KCNT2: variants seen among roughly 807,000 people sequenced by gnomAD.
The protein encoded by KCNT2 is potassium channel subfamily T member 2.
A neutral mutation model predicts 153.8 loss-of-function variants in KCNT2; 67 were observed. The ratio of observed to expected loss-of-function variants is 0.44; its 90% CI spans 0.36 to 0.53. The LOEUF is 0.53. Ranked by LOEUF, KCNT2 falls within the 20% of genes least tolerant of loss-of-function variation. KCNT2 has a pLI of 0.00. For synonymous variants in KCNT2, 500 were observed against 458.8 expected (o/e 1.09, Z -1.15); for missense variants, 975 against 1,354.8 (o/e 0.72, Z 4.40).
intron 8 of KCNT2, among the ~76,000 whole-genome samples, chr1:196,449,227 G>A (rs1471853605): frequency 6.6e-6 from 1 of 151,596 alleles, no homozygotes; most frequent in Non-Finnish European, 1.5e-5. Context: ...TTCACAGTAG[G>A]CACACTAGAG....
At chr1:196,592,818 T>A (rs1558116094) in intron 1 of KCNT2, among the ~76,000 whole-genome samples, 2 of 148,416 alleles carry the variant, frequency 1.3e-5, no homozygotes, top group Non-Finnish European at 3.0e-5. Flanking sequence ...TAAATGTACT[T>A]TTACTTTTAT....
intron 8 of KCNT2, among the ~76,000 whole-genome samples, chr1:196,440,943 C>T (rs1675171096): frequency 6.6e-6 from 1 of 151,800 alleles, no homozygotes; most frequent in African/African-American, 2.4e-5. Flanking sequence ...ACGGTCTATA[C>T]ATACAGACCC....
intron 24 of KCNT2, 54 bp downstream of exon 24, chr1:196,282,219 G>T: frequency 1.0e-6 from 1 of 972,388 alleles, no homozygotes; most frequent in Non-Finnish European, 1.6e-6. Context: ...ACGGTAGATA[G>T]ATTTCAGAAC....
At chr1:196,509,259 G>A (rs1572680873) in intron 1 of KCNT2, among the ~76,000 whole-genome samples, 2 of 130,094 alleles carry the variant, frequency 1.5e-5, no homozygotes, top group African/African-American at 2.9e-5. Flanking sequence ...AAAAAAAAGC[G>A]AAACTCCGAA....
At chr1:196,342,043 T>C in intron 15 of KCNT2, 36 bp downstream of exon 15, 1 of 1,588,638 alleles carries the variant, frequency 6.3e-7, no homozygotes, top group Non-Finnish European at 8.6e-7. Context: ...GCTTGACTGA[T>C]TGATATTTTA....
At chr1:196,524,241 C>T (rs1424956565) in intron 1 of KCNT2, among the ~76,000 whole-genome samples, 1 of 152,130 alleles carries the variant, frequency 6.6e-6, no homozygotes, top group Non-Finnish European at 1.5e-5. Flanking sequence ...AAATTTCACA[C>T]TTGAGTAAAT....
intron 1 of KCNT2, among the ~76,000 whole-genome samples, chr1:196,497,429 T>C (rs1680342101): frequency 6.6e-6 from 1 of 152,174 alleles, no homozygotes. Context: ...TACCAACTAT[T>C]TACATAACTT....
chr1:196,443,179 C>T (rs754560115), intron 8 of KCNT2, among the ~76,000 whole-genome samples: 3 of 151,424 alleles, frequency 2.0e-5, no homozygotes, highest in African/African-American at 4.8e-5. Context: ...GAGATGGGGA[C>T]ATTTTGGGAA....
chr1:196,461,411 T>A (rs1677142558), intron 8 of KCNT2, among the ~76,000 whole-genome samples: 1 of 151,614 alleles, frequency 6.6e-6, no homozygotes, highest in Admixed American at 6.6e-5. Context: ...AAACAGGAAA[T>A]CAGTTAACAT....
intron 25 of KCNT2, among the ~76,000 whole-genome samples, chr1:196,266,475 A>G (rs1360309466): frequency 6.6e-6 from 1 of 152,226 alleles, no homozygotes; most frequent in African/African-American, 2.4e-5. Context: ...GTCTAAAAAT[A>G]TCCCATAGTA....
chr1:196,537,840 C>T (rs1461737394), intron 1 of KCNT2, among the ~76,000 whole-genome samples: 1 of 152,174 alleles, frequency 6.6e-6, no homozygotes, highest in Non-Finnish European at 1.5e-5. Context: ...ATTCTTATCT[C>T]TCGTGGGGGC....
chr1:196,481,712 C>T (rs1226156578), intron 4 of KCNT2, among the ~76,000 whole-genome samples: 1 of 152,036 alleles, frequency 6.6e-6, no homozygotes, highest in Non-Finnish European at 1.5e-5. Flanking sequence ...CAGTAGGAAA[C>T]AAAACAAAAC....
intron 14 of KCNT2, among the ~76,000 whole-genome samples, chr1:196,348,750 G>C (rs1051352806): frequency 5.9e-5 from 9 of 152,092 alleles, no homozygotes; most frequent in Non-Finnish European, 1.3e-4. Flanking sequence ...TCCCGGCCAG[G>C]CACGGTGGCT....
intron 14 of KCNT2, among the ~76,000 whole-genome samples, chr1:196,369,789 T>G (rs1668362795): frequency 6.6e-6 from 1 of 152,066 alleles, no homozygotes; most frequent in Admixed American, 6.6e-5. Flanking sequence ...TAAACATATG[T>G]GTGCATGTGT....
intron 1 of KCNT2, among the ~76,000 whole-genome samples, chr1:196,561,874 G>C (rs1659460484): frequency 6.6e-6 from 1 of 151,772 alleles, no homozygotes; most frequent in South Asian, 2.1e-4. Context: ...GGGAGTAAAG[G>C]AGGAGTCTCC....
chr1:196,509,389 T>C (rs1681424866), intron 1 of KCNT2, among the ~76,000 whole-genome samples: 1 of 151,382 alleles, frequency 6.6e-6, no homozygotes, highest in South Asian at 2.1e-4. Flanking sequence ...CAATGGAAAA[T>C]TGCAGTCAAA....
intron 12 of KCNT2, among the ~76,000 whole-genome samples, chr1:196,410,198 G>T (rs1033851090): frequency 2.1e-4 from 32 of 151,476 alleles, no homozygotes; most frequent in African/African-American, 6.8e-4. Flanking sequence ...TTAAGCTATA[G>T]AAATTCCTTA....
chr1:196,439,551 C>T (rs1198375843), intron 8 of KCNT2, among the ~76,000 whole-genome samples: 1 of 151,804 alleles, frequency 6.6e-6, no homozygotes, highest in Non-Finnish European at 1.5e-5. Context: ...CAAATACAAC[C>T]TACAGATAGT....
At chr1:196,436,168 C>T (rs1379162515) in intron 8 of KCNT2, among the ~76,000 whole-genome samples, 1 of 151,088 alleles carries the variant, frequency 6.6e-6, no homozygotes. Flanking sequence ...TATAGAGTAC[C>T]TATATACAAC....
Sources: gnomAD v4.1 joint callset for allele counts (sites outside exome capture counted in the v4.1 genomes callset) on GRCh38, gnomAD v4.1.1 for gene constraint, MANE v1.5 for transcripts, NCBI Gene and HGNC (gene_info 2026-07-23, HGNC 2026-07-21) for gene names.